ETFDH: variants seen among roughly 807,000 people sequenced by gnomAD.
ETFDH encodes electron transfer flavoprotein dehydrogenase, also known as electron transfer flavoprotein-ubiquinone oxidoreductase, mitochondrial.
ETFDH carries 61 observed loss-of-function variants against 73.2 expected under a neutral mutation model. The observed-to-expected ratio is 0.83, with a 90% CI of 0.68 to 1.03. The LOEUF (loss-of-function observed/expected upper bound fraction) is 1.03. ETFDH is among the 50% of genes least tolerant of loss of function. The probability of loss-of-function intolerance (pLI) is 0.00; values close to 1 mark genes in which losing one functional copy is unlikely to be tolerated. For synonymous variants in ETFDH, 243 were observed against 253.3 expected, an observed-to-expected ratio of 0.96 and a Z score of 0.39; for missense variants, 685 against 745.0, an observed-to-expected ratio of 0.92 and a Z score of 0.94.
chr4:158,691,665 C>A (rs368208143), intron 6 of ETFDH, among the ~76,000 whole-genome samples: 2 of 152,140 alleles, frequency 1.3e-5, no homozygotes, highest in Admixed American at 6.5e-5. Flanking sequence ...ATTTTAACAT[C>A]TTTTGGTAGA....
At chr4:158,694,864 G>A (rs575651493) in intron 6 of ETFDH, among the ~76,000 whole-genome samples, 23 of 152,210 alleles carry the variant, frequency 1.5e-4, no homozygotes, top group Middle Eastern at 3.4e-3. Flanking sequence ...AATATTGTAC[G>A]TGTATACAGG....
chr4:158,703,367 T>G, intron 9 of ETFDH, 56 bp from the exon 10 acceptor site: 1 of 1,204,190 alleles, frequency 8.3e-7, no homozygotes. Flanking sequence ...TGGAGTATTC[T>G]GTTGTTCTTG....
chr4:158,677,057 G>A (rs1580391435), intron 1 of ETFDH, among the ~76,000 whole-genome samples: 1 of 152,138 alleles, frequency 6.6e-6, no homozygotes, highest in African/African-American at 2.4e-5. Context: ...TTTTAATTTT[G>A]ATGAAGTGCA....
At chr4:158,677,227 A>G (rs569595022) in intron 1 of ETFDH, among the ~76,000 whole-genome samples, 24 of 152,374 alleles carry the variant, frequency 1.6e-4, no homozygotes, top group African/African-American at 5.8e-4. Context: ...ATACAGCCTC[A>G]GGAGGTCCTG....
At chr4:158,679,701 A>G (rs1773794747) in intron 1 of ETFDH, 1 of 152,130 alleles carries the variant, frequency 6.6e-6, no homozygotes, top group South Asian at 2.1e-4. Context: ...TTTTGCAGAT[A>G]AATCTTTGCA....
intron 5 of ETFDH, among the ~76,000 whole-genome samples, chr4:158,688,516 A>G (rs1774071035): frequency 6.6e-6 from 1 of 150,852 alleles, no homozygotes; most frequent in African/African-American, 2.4e-5. Flanking sequence ...TACTAAAAGT[A>G]CAAAAGATTA....
chr4:158,684,971 G>C, intron 4 of ETFDH, 130 bp from the exon 5 acceptor site: 1 of 661,416 alleles, frequency 1.5e-6, no homozygotes, highest in Admixed American at 2.7e-5. Flanking sequence ...TAGAAAATAA[G>C]TTGAAAGTGT....
intron 9 of ETFDH, among the ~76,000 whole-genome samples, chr4:158,699,815 G>A (rs1399400521): frequency 3.3e-5 from 5 of 151,804 alleles, no homozygotes; most frequent in Non-Finnish European, 7.4e-5. Context: ...TCCTATTTTT[G>A]TATACATTCA....
At chr4:158,695,713 G>A in intron 7 of ETFDH, 70 bp downstream of exon 7, 1 of 1,011,730 alleles carries the variant, frequency 9.9e-7, no homozygotes, top group Middle Eastern at 2.1e-4. Flanking sequence ...TTATCAGGTA[G>A]TTTATAATAC....
intron 1 of ETFDH, among the ~76,000 whole-genome samples, chr4:158,673,158 G>T (rs1773622409): frequency 6.6e-6 from 1 of 152,182 alleles, no homozygotes; most frequent in Non-Finnish European, 1.5e-5. Flanking sequence ...ACAAAAATTA[G>T]CTGGGCGTTG....
At chr4:158,697,795 G>T in intron 8 of ETFDH, 96 bp downstream of exon 8, 1 of 1,163,004 alleles carries the variant, frequency 8.6e-7, no homozygotes, top group South Asian at 1.3e-5. Flanking sequence ...ACTGTAAAAT[G>T]CTTTTTATTT....
chr4:158,690,211 C>T, intron 5 of ETFDH, 137 bp from the exon 6 acceptor site: 2 of 643,612 alleles, frequency 3.1e-6, no homozygotes, highest in Non-Finnish European at 2.8e-6. Flanking sequence ...TCTTTATTAC[C>T]TGAACATTTT....
At chr4:158,684,056 A>G (rs914450092) in intron 3 of ETFDH, among the ~76,000 whole-genome samples, 2 of 152,160 alleles carry the variant, frequency 1.3e-5, no homozygotes, top group Admixed American at 6.5e-5. Context: ...AAGACTCCCA[A>G]GAAATATATT....
chr4:158,684,770 T>C (rs1773959892), intron 4 of ETFDH, 97 bp downstream of exon 4: 1 of 792,340 alleles, frequency 1.3e-6, no homozygotes, highest in East Asian at 2.5e-5. Flanking sequence ...AGACAAGAAC[T>C]GAGACCCAGA....
At chr4:158,689,637 T>TATATATATATATATATATA (rs56365608) in intron 5 of ETFDH, among the ~76,000 whole-genome samples, 4 of 60,668 alleles carry the variant, frequency 6.6e-5, no homozygotes, top group Non-Finnish European at 1.0e-4. Context: ...TATATATATA[T>TATATATATATATATATATA]TGTGGGGGGG....
intron 5 of ETFDH, among the ~76,000 whole-genome samples, chr4:158,686,614 A>T (rs1774012058): frequency 6.6e-6 from 1 of 152,330 alleles, no homozygotes; most frequent in African/African-American, 2.4e-5. Context: ...GAAAGGGAGA[A>T]GTAAGAAAAT....
intron 5 of ETFDH, among the ~76,000 whole-genome samples, chr4:158,687,601 G>T (rs1216501589): frequency 2.6e-5 from 4 of 152,138 alleles, no homozygotes; most frequent in African/African-American, 4.8e-5. Flanking sequence ...CACCCAGAAT[G>T]AATAAACCAC....
chr4:158,697,805 T>A, intron 8 of ETFDH, 106 bp downstream of exon 8: 1 of 1,041,128 alleles, frequency 9.6e-7, no homozygotes, highest in South Asian at 1.3e-5. Context: ...GCTTTTTATT[T>A]AAAGCTTTCT....
chr4:158,698,929 T>C (rs952879174), intron 8 of ETFDH, 58 bp from the exon 9 acceptor site: 2 of 1,252,748 alleles, frequency 1.6e-6, no homozygotes, highest in African/African-American at 3.0e-5. Flanking sequence ...GCTTACATTT[T>C]AGCTTGATTT....
Sources: allele counts gnomAD v4.1 joint callset (sites outside exome capture counted in the v4.1 genomes callset), GRCh38; gene constraint gnomAD v4.1.1; transcripts MANE v1.5; gene names NCBI Gene and HGNC (gene_info 2026-07-23, HGNC 2026-07-21).